Variants in STPG2 observed in about 807,000 individuals in gnomAD.
STPG2 encodes sperm-tail PG-rich repeat-containing protein 2.
STPG2 carries 56 observed loss-of-function variants against 54.2 expected under a neutral mutation model. The ratio of observed to expected loss-of-function variants is 1.03; its 90% CI spans 0.83 to 1.29. The LOEUF is 1.29. STPG2 is among the 50% of genes most tolerant of loss of function. The pLI is 0.00. For missense variants in STPG2, 596 were observed against 544.9 expected (o/e 1.09, Z -0.93); for synonymous variants, 200 against 181.8 (o/e 1.10, Z -0.81).
intron 9 of STPG2, among the ~76,000 whole-genome samples, chr4:97,800,968 G>C (rs918637377): frequency 2.0e-5 from 3 of 152,212 alleles, no homozygotes; most frequent in Non-Finnish European, 4.4e-5. Flanking sequence ...CGTGGGCATG[G>C]GACCCTCCTA....
chr4:98,075,830 T>C (rs1289738862), intron 5 of STPG2, among the ~76,000 whole-genome samples: 1 of 152,228 alleles, frequency 6.6e-6, no homozygotes, highest in Non-Finnish European at 1.5e-5. Context: ...AAGTACTCTA[T>C]CCTGCATAAT....
intron 5 of STPG2, among the ~76,000 whole-genome samples, chr4:98,022,506 T>A (rs990299925): frequency 6.6e-6 from 1 of 151,848 alleles, no homozygotes; most frequent in Non-Finnish European, 1.5e-5. Context: ...TTGGAGTTGC[T>A]CTTCTCGAGG....
chr4:97,796,935 G>T (rs1727204854), intron 9 of STPG2, among the ~76,000 whole-genome samples: 1 of 152,070 alleles, frequency 6.6e-6, no homozygotes, highest in African/African-American at 2.4e-5. Context: ...GGATTCCTAG[G>T]TATTTTATTC....
intron 10 of STPG2, among the ~76,000 whole-genome samples, chr4:97,694,109 A>T (rs1022816366): frequency 6.6e-6 from 1 of 152,206 alleles, no homozygotes; most frequent in African/African-American, 2.4e-5. Context: ...AAGGAACTAG[A>T]GAAGTAAGAA....
intron 8 of STPG2, among the ~76,000 whole-genome samples, chr4:97,892,198 T>C (rs1483073038): frequency 1.3e-5 from 2 of 152,156 alleles, no homozygotes; most frequent in Non-Finnish European, 2.9e-5. Context: ...GGTCATTTAC[T>C]CAGTGTAAAA....
intron 10 of STPG2, among the ~76,000 whole-genome samples, chr4:97,671,933 A>C (rs531887648): frequency 6.6e-6 from 1 of 152,160 alleles, no homozygotes; most frequent in Non-Finnish European, 1.5e-5. Context: ...TAAAAAATAA[A>C]AACTCTATCC....
At chr4:97,822,110 AT>A in intron 9 of STPG2, among the ~76,000 whole-genome samples, 1 of 152,314 alleles carries the variant, frequency 6.6e-6, no homozygotes, top group African/African-American at 2.4e-5. Context: ...GTAAATTCAA[AT>A]TAATTTTTAG....
chr4:98,034,208 G>A (rs1200258433), intron 5 of STPG2, among the ~76,000 whole-genome samples: 4 of 152,072 alleles, frequency 2.6e-5, no homozygotes, highest in South Asian at 2.1e-4. Flanking sequence ...CAACCCCATC[G>A]TCTCAGCCCA....
At chr4:97,608,831 G>T (rs1733658569) in intron 10 of STPG2, among the ~76,000 whole-genome samples, 1 of 152,006 alleles carries the variant, frequency 6.6e-6, no homozygotes, top group East Asian at 1.9e-4. Flanking sequence ...TTAAATATGT[G>T]TTCTAAAAGG....
chr4:97,578,764 A>C (rs2148889256), intron 10 of STPG2, among the ~76,000 whole-genome samples: 1 of 152,302 alleles, frequency 6.6e-6, no homozygotes, highest in Admixed American at 6.5e-5. Context: ...AATATTAACT[A>C]AATCAGAAGT....
intron 7 of STPG2, among the ~76,000 whole-genome samples, chr4:97,945,975 C>G (rs2149234810): frequency 6.6e-6 from 1 of 152,118 alleles, no homozygotes; most frequent in East Asian, 1.9e-4. Context: ...AAGAGGATCC[C>G]TGGAGCCTGG....
intron 10 of STPG2, among the ~76,000 whole-genome samples, chr4:97,622,404 G>A (rs1341438431): frequency 2.0e-5 from 3 of 151,966 alleles, no homozygotes; most frequent in African/African-American, 7.3e-5. Context: ...AAAGTTTCTT[G>A]ATTAGATAAA....
intron 8 of STPG2, among the ~76,000 whole-genome samples, chr4:97,909,675 C>T (rs1257130727): frequency 6.6e-6 from 1 of 151,982 alleles, no homozygotes; most frequent in Non-Finnish European, 1.5e-5. Flanking sequence ...ATATAATTTA[C>T]TTGATAAGAG....
At chr4:97,683,584 T>C (rs1432243228) in intron 10 of STPG2, among the ~76,000 whole-genome samples, 1 of 151,762 alleles carries the variant, frequency 6.6e-6, no homozygotes, top group Admixed American at 6.6e-5. Flanking sequence ...TTATAACAAA[T>C]CTTTCTGAAA....
intron 8 of STPG2, among the ~76,000 whole-genome samples, chr4:97,849,838 T>G (rs1729093404): frequency 6.6e-6 from 1 of 152,158 alleles, no homozygotes; most frequent in Non-Finnish European, 1.5e-5. Context: ...GTCAACTAGT[T>G]GAACCATTGT....
intron 4 of STPG2, among the ~76,000 whole-genome samples, chr4:97,448,558 C>T (rs971917673): frequency 2.6e-5 from 4 of 152,138 alleles, no homozygotes; most frequent in African/African-American, 9.6e-5. Context: ...CCTCTTCCCT[C>T]TCTCTTTTCT....
intron 1 of STPG2, among the ~76,000 whole-genome samples, chr4:98,136,855 G>C (rs1052648606): frequency 6.6e-6 from 1 of 151,482 alleles, no homozygotes; most frequent in Non-Finnish European, 1.5e-5. Flanking sequence ...TAAAACAAGA[G>C]AGGTATAGCA....
chr4:97,768,848 T>A (rs1026097760), intron 9 of STPG2, among the ~76,000 whole-genome samples: 1 of 151,950 alleles, frequency 6.6e-6, no homozygotes, highest in Non-Finnish European at 1.5e-5. Flanking sequence ...ACTACAGGCA[T>A]GTGCCATCAT....
intron 5 of STPG2, among the ~76,000 whole-genome samples, chr4:98,076,372 C>T (rs1339570997): frequency 6.6e-6 from 1 of 152,032 alleles, no homozygotes; most frequent in African/African-American, 2.4e-5. Flanking sequence ...ATTGATGTAA[C>T]TTTAATCTCA....
Sources: allele counts gnomAD v4.1 joint callset (sites outside exome capture counted in the v4.1 genomes callset), GRCh38; gene constraint gnomAD v4.1.1; transcripts MANE v1.5; gene names NCBI Gene and HGNC (gene_info 2026-07-23, HGNC 2026-07-21).